Variants in SLC14A2 observed in about 807,000 individuals in gnomAD.
SLC14A2 encodes urea transporter 2.
In SLC14A2, 91 loss-of-function variants were observed where a neutral mutation model predicts 104.6. The observed-to-expected ratio is 0.87, with a 90% CI of 0.73 to 1.04. The LOEUF is 1.04. SLC14A2 is among the 50% of genes least tolerant of loss of function. SLC14A2 has a pLI of 0.00. For missense variants in SLC14A2, 1,189 were observed against 1,156.0 expected, an observed-to-expected ratio of 1.03 and a Z score of -0.41; for synonymous variants, 476 against 466.4, an observed-to-expected ratio of 1.02 and a Z score of -0.27.
chr18:45,334,132 G>A (rs1462150), intron 1 of SLC14A2, among the ~76,000 whole-genome samples: 18,116 of 152,164 alleles, frequency 0.12, 1,225 homozygotes, highest in Non-Finnish European at 0.15. Flanking sequence ...TGAATGGTTT[G>A]CTCCAGGATT....
intron 10 of SLC14A2, among the ~76,000 whole-genome samples, chr18:45,650,727 G>A (rs1023025498): frequency 1.5e-5 from 2 of 131,342 alleles, no homozygotes; most frequent in Non-Finnish European, 3.2e-5. Context: ...AGGTGTTTTG[G>A]GTTTTTTTGT....
intron 10 of SLC14A2, among the ~76,000 whole-genome samples, chr18:45,660,114 T>C (rs11872773): frequency 6.7e-4 from 102 of 152,228 alleles, no homozygotes; most frequent in African/African-American, 2.4e-3. Flanking sequence ...GCCTGGACAA[T>C]GAAGCAAGAT....
chr18:45,323,221 T>C (rs550184596), intron 1 of SLC14A2, among the ~76,000 whole-genome samples: 1 of 152,336 alleles, frequency 6.6e-6, no homozygotes, highest in South Asian at 2.1e-4. Context: ...TTGAGACTGT[T>C]GGAACAATAA....
intron 1 of SLC14A2, among the ~76,000 whole-genome samples, chr18:45,345,924 C>T (rs1599693466): frequency 6.6e-6 from 1 of 152,126 alleles, no homozygotes; most frequent in Non-Finnish European, 1.5e-5. Flanking sequence ...ATTTATACTC[C>T]CACTAACAGT....
At position 45,351,453 on chromosome 18, in the gene SLC14A2, C is replaced by T. The variant is rs559416268; in HGVS notation, c.-124-131780C>T. 1.2e-4 allele frequency among the ~76,000 whole-genome samples: 19 copies of T among 152,274 alleles called. No homozygotes were observed. The South Asian group carries it at 3.9e-3, about 32-fold the overall frequency. ...CACTACAGCCTTGACCTTCTAGGCT[C>T]AAGCAACCCTCCTGCCTGAGCCCCC... On this transcript the variant is annotated intron_variant, in intron 1 of 20. Transcript: ENST00000586448.
At chr18:45,445,449 G>A (rs542366683) in intron 1 of SLC14A2, among the ~76,000 whole-genome samples, 1 of 152,250 alleles carries the variant, frequency 6.6e-6, no homozygotes, top group South Asian at 2.1e-4. Flanking sequence ...CATTTGTGAT[G>A]GAGGATCCAA....
intron 2 of SLC14A2, among the ~76,000 whole-genome samples, chr18:45,532,082 CA>C (rs1194419984): frequency 6.6e-6 from 1 of 152,184 alleles, no homozygotes; most frequent in African/African-American, 2.4e-5. Context: ...GTAGGAGTAC[CA>C]TGCTGTTTTT....
rs182020635 is a variant in SLC14A2 at position 45,515,182 on chromosome 18, T to C, written c.-35+31860T>C. On this transcript the variant is annotated intron_variant, in intron 2 of 20. Coordinates refer to the SLC14A2 transcript ENST00000586448. The stretch of plus-strand genomic sequence containing the variant: ...GTGGATAAATATTTGTTCAAATGAA[T>C]GATTAAAAATGGAAGACTTCAAGTG... Among the ~76,000 whole-genome samples the C allele has an allele frequency of 7.9e-4, 120 of 152,330 alleles. 1 individual carries two copies. Among genetic ancestry groups the C allele is most frequent in the Non-Finnish European group, 1.5e-3 (99 of 68,026 alleles).
intron 1 of SLC14A2, among the ~76,000 whole-genome samples, chr18:45,474,926 A>C (rs2087329170): frequency 1.3e-5 from 2 of 151,490 alleles, no homozygotes; most frequent in South Asian, 4.2e-4. Flanking sequence ...CTAGCTTTTG[A>C]ATTTGTTTGC....
intron 2 of SLC14A2, among the ~76,000 whole-genome samples, chr18:45,503,331 T>C (rs1384327638): frequency 6.6e-6 from 1 of 152,162 alleles, no homozygotes; most frequent in Non-Finnish European, 1.5e-5. Context: ...CTCCACGTTA[T>C]GTACATTAAC....
chr18:45,588,818 A>AAAACCCTAT (rs1251992773), intron 2 of SLC14A2, among the ~76,000 whole-genome samples: 2 of 152,236 alleles, frequency 1.3e-5, no homozygotes, highest in Non-Finnish European at 2.9e-5. Flanking sequence ...CATTTTTTCT[A>AAAACCCTAT]AAACCCTATA....
At chr18:45,293,058 C>A (rs1176394335) in intron 1 of SLC14A2, among the ~76,000 whole-genome samples, 1 of 152,104 alleles carries the variant, frequency 6.6e-6, no homozygotes, top group Non-Finnish European at 1.5e-5. Context: ...TGATTTCTGG[C>A]TGTTTCATGA....
chr18:45,567,598 A>G (rs2044284613), intron 2 of SLC14A2, among the ~76,000 whole-genome samples: 1 of 152,202 alleles, frequency 6.6e-6, no homozygotes, highest in Admixed American at 6.5e-5. Context: ...ACCTGTGTCC[A>G]GGGGTTAGCC....
intron 1 of SLC14A2, among the ~76,000 whole-genome samples, chr18:45,449,949 C>CACAG (rs1412337136): frequency 6.6e-6 from 1 of 152,140 alleles, no homozygotes; most frequent in Admixed American, 6.5e-5. Context: ...AGAGCTGGGA[C>CACAG]ACAGAGAAGA....
At chr18:45,432,352 C>T (rs902244441) in intron 1 of SLC14A2, among the ~76,000 whole-genome samples, 2 of 152,090 alleles carry the variant, frequency 1.3e-5, no homozygotes, top group African/African-American at 4.8e-5. Flanking sequence ...GGGAATTCGC[C>T]ATTATGAAAC....
intron 2 of SLC14A2, among the ~76,000 whole-genome samples, chr18:45,488,295 G>C (rs1212305934): frequency 1.3e-5 from 2 of 152,090 alleles, no homozygotes; most frequent in Non-Finnish European, 2.9e-5. Context: ...GTAAGTTCTG[G>C]GGACTAAGAT....
chr18:45,278,715 A>G (rs1205946041), intron 1 of SLC14A2, among the ~76,000 whole-genome samples: 1 of 152,178 alleles, frequency 6.6e-6, no homozygotes, highest in Admixed American at 6.5e-5. Flanking sequence ...TTTCACATCC[A>G]CAAATACTAT....
chr18:45,428,474 G>A (rs747645516), intron 1 of SLC14A2, among the ~76,000 whole-genome samples: 1 of 152,102 alleles, frequency 6.6e-6, no homozygotes, highest in Non-Finnish European at 1.5e-5. Context: ...GAGGAGAGAG[G>A]GTGCTAACAT....
intron 1 of SLC14A2, among the ~76,000 whole-genome samples, chr18:45,278,917 C>A (rs1276915410): frequency 6.6e-6 from 1 of 152,154 alleles, no homozygotes; most frequent in Non-Finnish European, 1.5e-5. Context: ...GTATGGGAGG[C>A]GTGATGTAAA....
Sources: allele counts gnomAD v4.1 joint callset (sites outside exome capture counted in the v4.1 genomes callset), GRCh38; gene constraint gnomAD v4.1.1; transcripts MANE v1.5; gene names NCBI Gene and HGNC (gene_info 2026-07-23, HGNC 2026-07-21).